The following PLXNA4 variants were observed in gnomAD, a reference collection of about 807,000 sequenced individuals.
The protein encoded by PLXNA4 is plexin A4.
In PLXNA4, 44 loss-of-function variants were observed where a neutral mutation model predicts 191.8. That is an observed-to-expected ratio of 0.23 (90% CI 0.18 to 0.29). PLXNA4 has a LOEUF of 0.29. Ranked by LOEUF, PLXNA4 falls within the 10% of genes least tolerant of loss-of-function variation. The probability of loss-of-function intolerance (pLI) is 1.00; values close to 1 mark genes in which losing one functional copy is unlikely to be tolerated. For synonymous variants in PLXNA4, 1,082 were observed against 1,009.5 expected (o/e 1.07, Z -1.36); for missense variants, 1,800 against 2,488.8 (o/e 0.72, Z 5.89).
chr7:132,278,568 C>G (rs967400241), intron 4 of PLXNA4, among the ~76,000 whole-genome samples: 3 of 152,160 alleles, frequency 2.0e-5, no homozygotes, highest in African/African-American at 7.2e-5. Flanking sequence ...TAATAATGAC[C>G]AGCCTCTTCA....
chr7:132,392,453 A>C (rs2116998515), intron 3 of PLXNA4, among the ~76,000 whole-genome samples: 1 of 152,300 alleles, frequency 6.6e-6, no homozygotes, highest in East Asian at 1.9e-4. Context: ...ATCTGTCCTC[A>C]CAATCTTTCC....
intron 3 of PLXNA4, among the ~76,000 whole-genome samples, chr7:132,374,249 T>C (rs1804566144): frequency 1.3e-5 from 2 of 152,188 alleles, no homozygotes; most frequent in Non-Finnish European, 2.9e-5. Flanking sequence ...CCTTCATCCA[T>C]GCCTAACTCC....
At chr7:132,192,895 G>C (rs1797136623) in intron 14 of PLXNA4, among the ~76,000 whole-genome samples, 1 of 152,190 alleles carries the variant, frequency 6.6e-6, no homozygotes. Context: ...AGGAATTTAA[G>C]GACTGGGGAG....
intron 3 of PLXNA4, among the ~76,000 whole-genome samples, chr7:132,373,294 G>C (rs1237469641): frequency 1.3e-5 from 2 of 152,122 alleles, no homozygotes; most frequent in East Asian, 1.9e-4. Context: ...TTCCCCAGAG[G>C]ACTCAGTCTT....
intron 3 of PLXNA4, among the ~76,000 whole-genome samples, chr7:132,433,749 G>T (rs1217482157): frequency 1.3e-5 from 2 of 152,110 alleles, no homozygotes; most frequent in African/African-American, 2.4e-5. Flanking sequence ...CCTGAGCAAG[G>T]AGATAAAAGG....
intron 8 of PLXNA4, among the ~76,000 whole-genome samples, chr7:132,225,625 C>CCG (rs374389563): frequency 1.4e-4 from 21 of 145,288 alleles, no homozygotes; most frequent in African/African-American, 5.1e-4. Flanking sequence ...CGCCCCCCCC[C>CCG]ACAGCTTTCT....
chr7:132,348,314 C>T (rs980635702), intron 3 of PLXNA4, among the ~76,000 whole-genome samples: 2 of 152,200 alleles, frequency 1.3e-5, no homozygotes, highest in African/African-American at 4.8e-5. Context: ...TAGGGTTTGC[C>T]TTAGAAAGAG....
intron 2 of PLXNA4, among the ~76,000 whole-genome samples, chr7:132,635,190 ATATATAT>A (rs1165744971): frequency 6.8e-6 from 1 of 148,072 alleles, no homozygotes; most frequent in Non-Finnish European, 1.5e-5. Context: ...ATATATATAT[ATATATAT>A]ATATACGTAT....
intron 2 of PLXNA4, among the ~76,000 whole-genome samples, chr7:132,634,155 T>C (rs1414122851): frequency 3.9e-5 from 6 of 152,136 alleles, no homozygotes; most frequent in Non-Finnish European, 8.8e-5. Flanking sequence ...GGCCCATTCC[T>C]TGGAATGCAG....
intron 2 of PLXNA4, among the ~76,000 whole-genome samples, chr7:132,640,688 A>G (rs1012365666): frequency 6.6e-6 from 1 of 151,404 alleles, no homozygotes; most frequent in Non-Finnish European, 1.5e-5. Context: ...GTATTTTGTT[A>G]TGGCAGCCCA....
intron 13 of PLXNA4, among the ~76,000 whole-genome samples, chr7:132,198,089 G>T (rs1797307984): frequency 6.6e-6 from 1 of 152,184 alleles, no homozygotes; most frequent in Admixed American, 6.5e-5. Flanking sequence ...GAATTTCATT[G>T]TCAGTCTCCA....
chr7:132,389,771 G>A (rs914369034), intron 3 of PLXNA4, among the ~76,000 whole-genome samples: 1 of 152,174 alleles, frequency 6.6e-6, no homozygotes, highest in African/African-American at 2.4e-5. Flanking sequence ...GATTCCATAA[G>A]AAATTTGAAG....
At chr7:132,585,803 G>C (rs74551625) in intron 2 of PLXNA4, among the ~76,000 whole-genome samples, 2 of 152,130 alleles carry the variant, frequency 1.3e-5, no homozygotes, top group East Asian at 1.9e-4. Flanking sequence ...ATAAGGACTC[G>C]ATCCATCATG....
intron 3 of PLXNA4, among the ~76,000 whole-genome samples, chr7:132,424,383 G>A: frequency 6.6e-6 from 1 of 151,820 alleles, no homozygotes; most frequent in South Asian, 2.1e-4. Flanking sequence ...CTCAGCTGGA[G>A]AGCCCTGGCC....
chr7:132,639,843 T>TC (rs772599421), intron 2 of PLXNA4, among the ~76,000 whole-genome samples: 21 of 152,190 alleles, frequency 1.4e-4, no homozygotes, highest in Non-Finnish European at 2.9e-4. Context: ...CTTGTAAATT[T>TC]CCAGACCATG....
At chr7:132,207,744 G>A (rs1207047466) in intron 10 of PLXNA4, among the ~76,000 whole-genome samples, 1 of 152,160 alleles carries the variant, frequency 6.6e-6, no homozygotes, top group Non-Finnish European at 1.5e-5. Flanking sequence ...TAGATCCCTT[G>A]TCCAAGGCTG....
chr7:132,373,514 C>T (rs1272712951), intron 3 of PLXNA4, among the ~76,000 whole-genome samples: 2 of 152,182 alleles, frequency 1.3e-5, no homozygotes, highest in African/African-American at 2.4e-5. Flanking sequence ...GGACTAAGGG[C>T]TGTAGATGTA....
chr7:132,271,656 C>T (rs1017865288), intron 4 of PLXNA4, among the ~76,000 whole-genome samples: 10 of 152,074 alleles, frequency 6.6e-5, no homozygotes, highest in African/African-American at 1.2e-4. Context: ...CCAAGGTCAA[C>T]ACCACTGCCA....
At position 132,568,913 on chromosome 7, in the gene PLXNA4, T is replaced by G. The variant is rs560728382; in HGVS notation, c.-87+7509A>C. Among the ~76,000 whole-genome samples the G allele has an allele frequency of 2.0e-5, 3 of 152,326 alleles. No homozygotes were observed. In the East Asian group the frequency reaches 5.8e-4, roughly 29 times the overall value. ...TGCTGTTCCTCTGGCCCTAAAGTTC[T>G]TGCTGTCTTTTCTTCCTTCAGAGTC... On this transcript the variant is annotated intron_variant, in intron 1 of 31. Transcript: ENST00000321063.
Sources: allele counts gnomAD v4.1 joint callset (sites outside exome capture counted in the v4.1 genomes callset), GRCh38; gene constraint gnomAD v4.1.1; transcripts MANE v1.5; gene names NCBI Gene and HGNC (gene_info 2026-07-23, HGNC 2026-07-21).